RABEP2: variants seen among roughly 807,000 people sequenced by gnomAD.
The protein encoded by RABEP2 is rabaptin, RAB GTPase binding effector protein 2, also known as rab GTPase-binding effector protein 2.
RABEP2 carries 57 observed loss-of-function variants against 74.1 expected under a neutral mutation model. The observed-to-expected ratio is 0.77, with a 90% confidence interval of 0.62 to 0.96. The LOEUF (loss-of-function observed/expected upper bound fraction) is 0.96. Among genes scored for constraint, RABEP2 ranks in the 40% least tolerant of loss-of-function variants. RABEP2 has a pLI of 0.00. For synonymous variants in RABEP2, 351 were observed against 344.0 expected (o/e 1.02, Z -0.23); for missense variants, 692 against 756.3 (o/e 0.91, Z 1.00).
In RABEP2 at chr16:28,904,861, C is replaced by G; in HGVS notation, c.*82G>C. On this transcript the variant is annotated 3_prime_UTR_variant, in exon 13 of 13. Transcript: ENST00000358201. ...TCTCAGGGACGGTGGAAAAGCCATC[C>G]AAGACCCCAGAGCGAGGCCTCATGG... 1 of 1,089,380 alleles carries G rather than the reference C, an allele frequency of 9.2e-7. No homozygotes were observed. The highest frequency in any genetic ancestry group is 1.4e-5 in the South Asian group (1 of 69,452). The allele number at this position is 1,089,380 out of a possible 1,614,324, so 67.5% of individuals were successfully genotyped here.
At chr16:28,919,369 T>G (rs577738891) in intron 3 of RABEP2, among the ~76,000 whole-genome samples, 1 of 152,264 alleles carries the variant, frequency 6.6e-6, no homozygotes, top group African/African-American at 2.4e-5. Flanking sequence ...AGGCTGGTCT[T>G]GAACTCCTGA....
At chr16:28,919,547 T>C in intron 3 of RABEP2, 1 of 395,452 alleles carries the variant, frequency 2.5e-6, no homozygotes, top group Non-Finnish European at 4.5e-6. Flanking sequence ...GTAAGTTCCC[T>C]TCCCTCTACA....
chr16:28,914,340 C>T lies in RABEP2; in HGVS notation c.790G>A (p.Ala264Thr), dbSNP rs201447194. The T allele has an allele frequency of 5.0e-5, 80 of 1,613,382 alleles. No homozygotes were observed. The highest frequency in any genetic ancestry group is 1.0e-4 in the Admixed American group (6 of 60,016). The change falls in exon 5 of 13, where the codon GCC (alanine) becomes ACC (threonine). Residue 264 changes from alanine to threonine, a missense_variant. Coordinates refer to ENST00000358201, the MANE Select transcript of RABEP2 (RefSeq NM_024816.3). ...AGGGTGCCCGTAGACACCAGCGAGG[C>T]CGTCTCTTCCTGTTCAGGGCTCAGG... ...QGLSPEQEETASLVSTGTLVP... is the reference protein window; with the variant it reads ...QGLSPEQEETTSLVSTGTLVP...
At position 28,918,141 on chromosome 16, in the gene RABEP2, G is replaced by A. The variant is rs145975591; in HGVS notation, c.432+1645C>T. Among the ~76,000 whole-genome samples the A allele has an allele frequency of 1.3e-3, 179 of 139,168 alleles. 2 individuals are homozygous for A. The highest frequency in any genetic ancestry group is 4.5e-3 in the African/African-American group (168 of 37,252). 91.3% of individuals were successfully genotyped at this position (139,168 alleles called of 152,430 possible). A position where few individuals can be genotyped will look rare whatever the true frequency, so the allele number is the denominator to read the frequency against. ...AGGTGGGACTGCGGACTGCAGTGGC[G>A]CAATCTCGGCTCACTGCAAGCTCCG... On this transcript the variant is annotated intron_variant, in intron 3 of 12. Coordinates refer to ENST00000358201, the MANE Select transcript of RABEP2 (RefSeq NM_024816.3).
chr16:28,924,836 C>A, intron 1 of RABEP2: 3 of 728,642 alleles, frequency 4.1e-6, no homozygotes. Flanking sequence ...TCACTCAGTC[C>A]TCTCTTCGGT....
chr16:28,919,874 C>T lies in RABEP2; in HGVS notation c.344G>A (p.Cys115Tyr), dbSNP rs774147443. The T allele has an allele frequency of 3.1e-6, 5 of 1,611,414 alleles. No homozygotes were observed. The Admixed American group carries it at 5.0e-5, about 16-fold the overall frequency. Residue 115 changes from cysteine (C) to tyrosine (Y), a missense_variant, in exon 3 of 13, where the codon TGT becomes TAT. By Grantham distance (194) the Cys-to-Tyr change is radical. Transcript: ENST00000358201. ...KQERQQQQQD[C>Y]EEKERELGRL... is the part of the protein sequence containing the mutation. ...GCCCAGCTCCCGCTCCTTCTCCTCA[C>T]AGTCCTGCTGCTGCTGCTGTCGCTC...
Position 28,904,426 on chromosome 16 carries a change from T to C in RABEP2, c.*517A>G, listed in dbSNP as rs1158454647. ...GCAGGGACAAGGCGACCGACTGCGCTGAGCTGCTTATTTATTGAAAATAAA... is the reference window on the plus strand; with the variant it reads ...GCAGGGACAAGGCGACCGACTGCGCCGAGCTGCTTATTTATTGAAAATAAA... On this transcript the variant is annotated 3_prime_UTR_variant, in exon 13 of 13. Coordinates refer to ENST00000358201, the MANE Select transcript of RABEP2 (RefSeq NM_024816.3). 9.1e-6 allele frequency: 14 copies of C among 1,532,386 alleles called. No individual in the cohort carries two copies. The highest frequency in any genetic ancestry group is 2.4e-5 in the East Asian group (1 of 40,826). 94.9% of individuals were successfully genotyped at this position (1,532,386 alleles called of 1,614,324 possible). A position where few individuals can be genotyped will look rare whatever the true frequency, so the allele number is the denominator to read the frequency against.
At chr16:28,909,848 C>T (rs910373744) in intron 7 of RABEP2, among the ~76,000 whole-genome samples, 2 of 151,494 alleles carry the variant, frequency 1.3e-5, no homozygotes, top group Non-Finnish European at 2.9e-5. Flanking sequence ...CACGGTGAAA[C>T]CCCGTCTCTA....
At position 28,904,476 on chromosome 16, in the gene RABEP2, C is replaced by G; in HGVS notation, c.*467G>C. ...ACGACGGAAAAGTCTGGCCTTGCCT[C>G]TGTGCAAGCTTGGAGGCCTGGGTCG... On this transcript the variant is annotated 3_prime_UTR_variant, in exon 13 of 13. Coordinates refer to ENST00000358201, the MANE Select transcript of RABEP2 (RefSeq NM_024816.3). 1 of 1,508,344 alleles carries G rather than the reference C, an allele frequency of 6.6e-7. No homozygotes were observed. Among genetic ancestry groups the G allele is most frequent in the South Asian group, 1.2e-5 (1 of 82,948 alleles). The allele number at this position is 1,508,344 out of a possible 1,614,324, so 93.4% of individuals were successfully genotyped here.
rs1964228815 is a variant in RABEP2, at chr16:28,906,214, G to C, written c.1246-18C>G. The stretch of plus-strand genomic sequence containing the variant: ...TGCAGCTCCTGGAAGGGACGGAGGA[G>C]TCACCTGCTGGGCTGGGGCAGGAGG... On this transcript the variant is annotated intron_variant, in intron 8 of 12. Coordinates refer to ENST00000358201, the MANE Select transcript of RABEP2 (RefSeq NM_024816.3). 1 of 1,558,922 alleles carries C rather than the reference G, an allele frequency of 6.4e-7. No individual in the cohort carries two copies. Among genetic ancestry groups the C allele is most frequent in the African/African-American group, 1.3e-5 (1 of 74,074 alleles).
At chr16:28,905,828 G>T in intron 10 of RABEP2, 39 bp downstream of exon 10, 1 of 1,613,966 alleles carries the variant, frequency 6.2e-7, no homozygotes. Context: ...GCCCAGCCAG[G>T]GTGGGCGATC....
At chr16:28,919,723 C>T in intron 3 of RABEP2, 63 bp downstream of exon 3, 3 of 1,528,256 alleles carry the variant, frequency 2.0e-6, no homozygotes, top group Non-Finnish European at 2.7e-6. Flanking sequence ...GGGAATGGGA[C>T]ATCCACAGTC....
chr16:28,924,891 G>C (rs768933982), intron 1 of RABEP2: 14 of 768,852 alleles, frequency 1.8e-5, no homozygotes, highest in Middle Eastern at 2.2e-4. Flanking sequence ...CTTCCTCACC[G>C]GGCCCCACTT....
At chr16:28,909,480 A>C (rs1401777999) in intron 7 of RABEP2, among the ~76,000 whole-genome samples, 2 of 152,108 alleles carry the variant, frequency 1.3e-5, no homozygotes, top group Non-Finnish European at 2.9e-5. Context: ...GGGGAGGCCA[A>C]GGTGGGAGGG....
chr16:28,913,499 G>A (rs4788106), intron 5 of RABEP2, among the ~76,000 whole-genome samples: 10,225 of 151,846 alleles, frequency 0.067, 529 homozygotes, highest in Admixed American at 0.17. Flanking sequence ...TTATTATTTT[G>A]AGACAGAGTT....
In RABEP2 at chr16:28,905,000, C is replaced by T. The variant is rs1039312212; in HGVS notation, c.1653G>A (p.Val551=). 6.2e-7 allele frequency: 1 copy of T among 1,611,920 alleles called. No individual in the cohort carries two copies. The highest frequency in any genetic ancestry group is 1.3e-5 in the African/African-American group (1 of 74,942). The change falls in exon 13 of 13, where the codon GTG becomes GTA. Residue 551 remains valine (V), a synonymous_variant. Transcript: ENST00000358201. ...GTGGCGCCTCATCCATGATGCTGCG[C>T]ACTTGCTCCAGGGTCTCAGCCTGGC... ...RIRQAETLEQ[V]RSIMDEAPLT...
Position 28,904,724 on chromosome 16 carries a change from G to T in RABEP2, c.*219C>A. ...GCCTGCACCTTTGGTTCCGGGAGGGGCTTGGGCCCCTCACCCAGGTGTGAT... is the reference window on the plus strand; with the variant it reads ...GCCTGCACCTTTGGTTCCGGGAGGGTCTTGGGCCCCTCACCCAGGTGTGAT... On this transcript the variant is annotated 3_prime_UTR_variant, in exon 13 of 13. Transcript: ENST00000358201. The T allele has an allele frequency of 1.6e-6, 1 of 643,198 alleles. No individual in the cohort carries two copies. Among genetic ancestry groups the T allele is most frequent in the Non-Finnish European group, 2.6e-6 (1 of 383,796 alleles). The allele number at this position is 643,198 out of a possible 1,614,324, so 39.8% of individuals were successfully genotyped here. A position where few individuals can be genotyped will look rare whatever the true frequency, so the allele number is the denominator to read the frequency against.
intron 8 of RABEP2, among the ~76,000 whole-genome samples, chr16:28,907,049 G>A (rs997931656): frequency 8.6e-5 from 13 of 152,004 alleles, no homozygotes; most frequent in Admixed American, 5.9e-4. Flanking sequence ...TGAAAACACC[G>A]AAGACCGCAA....
intron 7 of RABEP2, among the ~76,000 whole-genome samples, chr16:28,909,840 C>T (rs1289779798): frequency 1.3e-5 from 2 of 151,254 alleles, no homozygotes; most frequent in Admixed American, 1.3e-4. Flanking sequence ...CTGGCTAACA[C>T]GGTGAAACCC....
Sources: allele counts gnomAD v4.1 joint callset (sites outside exome capture counted in the v4.1 genomes callset), GRCh38; gene constraint gnomAD v4.1.1; transcripts MANE v1.5; gene names NCBI Gene and HGNC (gene_info 2026-07-23, HGNC 2026-07-21).